SLC2A13: variants seen among roughly 807,000 people sequenced by gnomAD.
SLC2A13 encodes the protein proton myo-inositol cotransporter.
In SLC2A13, 32 loss-of-function variants were observed where a neutral mutation model predicts 64.4. The observed-to-expected ratio is 0.50, with a 90% CI of 0.37 to 0.67. SLC2A13 has a LOEUF of 0.67. SLC2A13 is among the 30% of genes least tolerant of loss of function. The pLI is 0.00. For missense variants in SLC2A13, 743 were observed against 829.2 expected, an observed-to-expected ratio of 0.90 and a Z score of 1.28; for synonymous variants, 338 against 327.1, an observed-to-expected ratio of 1.03 and a Z score of -0.36.
chr12:39,932,002 A>G (rs1326473965), intron 4 of SLC2A13, among the ~76,000 whole-genome samples: 1 of 152,084 alleles, frequency 6.6e-6, no homozygotes, highest in African/African-American at 2.4e-5. Context: ...CATCTCCCCA[A>G]ACTGAAAACA....
At chr12:39,991,593 A>G (rs1947139402) in intron 3 of SLC2A13, among the ~76,000 whole-genome samples, 1 of 152,206 alleles carries the variant, frequency 6.6e-6, no homozygotes, top group African/African-American at 2.4e-5. Flanking sequence ...CTCTTCCCAC[A>G]TGGGTGCTCT....
At chr12:39,885,766 T>G (rs1444330446) in intron 4 of SLC2A13, among the ~76,000 whole-genome samples, 1 of 152,178 alleles carries the variant, frequency 6.6e-6, no homozygotes, top group East Asian at 1.9e-4. Context: ...TCTCAAACTT[T>G]AGTTTGAATT....
intron 5 of SLC2A13, among the ~76,000 whole-genome samples, chr12:39,868,891 G>A (rs1384208562): frequency 1.3e-5 from 2 of 151,996 alleles, no homozygotes; most frequent in Admixed American, 1.3e-4. Flanking sequence ...CTTTGTCCAG[G>A]CTTACATATT....
chr12:40,066,990 A>T (rs139224221), intron 1 of SLC2A13, among the ~76,000 whole-genome samples: 95 of 152,318 alleles, frequency 6.2e-4, no homozygotes, highest in African/African-American at 2.0e-3. Flanking sequence ...TATGTGGCAT[A>T]TAGACAGAAC....
In SLC2A13 at chr12:39,895,547, TATATACAC is replaced by T. The variant is rs1480134256; in HGVS notation, c.1035-23594_1035-23587del. Among the ~76,000 whole-genome samples the T allele has an allele frequency of 6.0e-5, 5 of 83,816 alleles. 1 individual carries two copies. The highest frequency in any genetic ancestry group is 3.3e-4 in the East Asian group (1 of 3,004). 55.0% of individuals were successfully genotyped at this position (83,816 alleles called of 152,430 possible). A position where few individuals can be genotyped will look rare whatever the true frequency, so the allele number is the denominator to read the frequency against. On this transcript the variant is annotated intron_variant, in intron 4 of 9. Transcript: ENST00000280871. ...ATATATATATATATATATATATATA[TATATACAC>T]ACACACACACACGTGTATATGTATA...
intron 7 of SLC2A13, among the ~76,000 whole-genome samples, chr12:39,769,221 C>T (rs1940472027): frequency 6.6e-6 from 1 of 152,090 alleles, no homozygotes; most frequent in Non-Finnish European, 1.5e-5. Context: ...CTTTTGTCAA[C>T]TATTGCCTCA....
At chr12:39,801,880 C>T (rs1007245792) in intron 7 of SLC2A13, among the ~76,000 whole-genome samples, 1 of 152,182 alleles carries the variant, frequency 6.6e-6, no homozygotes, top group African/African-American at 2.4e-5. Context: ...ACATTACTCA[C>T]TCACTACACA....
chr12:39,832,473 T>C (rs1363503562), intron 6 of SLC2A13, among the ~76,000 whole-genome samples: 2 of 152,106 alleles, frequency 1.3e-5, no homozygotes, highest in Admixed American at 6.6e-5. Flanking sequence ...TTATTGTGTG[T>C]GCATTTCAGG....
chr12:39,895,812 G>GCACACACA (rs1565526495), intron 4 of SLC2A13, among the ~76,000 whole-genome samples: 1 of 81,254 alleles, frequency 1.2e-5, no homozygotes, highest in African/African-American at 5.9e-5. Flanking sequence ...GCGTGTATAC[G>GCACACACA]TACACACATG....
intron 4 of SLC2A13, among the ~76,000 whole-genome samples, chr12:39,893,016 C>T (rs1007055694): frequency 9.9e-5 from 15 of 152,046 alleles, no homozygotes; most frequent in Non-Finnish European, 1.6e-4. Context: ...CTTTAAGCTA[C>T]TCTAAATTCA....
intron 4 of SLC2A13, among the ~76,000 whole-genome samples, chr12:39,948,031 C>T (rs774511519): frequency 3.7e-4 from 56 of 152,112 alleles, no homozygotes; most frequent in Non-Finnish European, 1.2e-4. Flanking sequence ...TTGACACATG[C>T]AGAAATATTT....
At chr12:40,070,786 A>G (rs963669496) in intron 1 of SLC2A13, among the ~76,000 whole-genome samples, 1 of 152,158 alleles carries the variant, frequency 6.6e-6, no homozygotes, top group Non-Finnish European at 1.5e-5. Flanking sequence ...GACATCCTTT[A>G]AAAATTTTTT....
chr12:39,803,205 A>G, intron 7 of SLC2A13, among the ~76,000 whole-genome samples: 1 of 87,534 alleles, frequency 1.1e-5, no homozygotes, highest in South Asian at 4.7e-4. Flanking sequence ...AAGCAAATGC[A>G]AAAAAAAAAA....
intron 1 of SLC2A13, among the ~76,000 whole-genome samples, chr12:40,067,989 G>A (rs7962819): frequency 0.026 from 4,025 of 152,102 alleles, 87 homozygotes; most frequent in Non-Finnish European, 0.039. Context: ...CTGCAGCCTC[G>A]ATTTCCTAGA....
Position 39,986,182 on chromosome 12 carries a change from G to T in SLC2A13, c.926-34817C>A, listed in dbSNP as rs531612245. 1.8e-3 allele frequency among the ~76,000 whole-genome samples: 279 copies of T among 152,186 alleles called. 1 individual carries two copies. The highest frequency in any genetic ancestry group is 3.0e-3 in the Non-Finnish European group (206 of 68,010). On this transcript the variant is annotated intron_variant, in intron 3 of 9. Transcript: ENST00000280871. ...CTAATATAAATCCTAACCTCCAGGT[G>T]AGGATTTATATTAGGAGATGGGGTC...
At chr12:39,761,671 T>C (rs1208819930) in intron 9 of SLC2A13, among the ~76,000 whole-genome samples, 2 of 151,914 alleles carry the variant, frequency 1.3e-5, no homozygotes, top group Non-Finnish European at 2.9e-5. Context: ...GTGTTCTGAG[T>C]ACAGATATGC....
chr12:40,054,977 T>G (rs1297880056), intron 1 of SLC2A13, among the ~76,000 whole-genome samples: 1 of 152,178 alleles, frequency 6.6e-6, no homozygotes, highest in Non-Finnish European at 1.5e-5. Context: ...TGCTTTATCA[T>G]CTCTAAAGAA....
intron 3 of SLC2A13, among the ~76,000 whole-genome samples, chr12:39,986,489 G>A (rs28370742): frequency 6.6e-6 from 1 of 151,720 alleles, no homozygotes; most frequent in South Asian, 2.1e-4. Flanking sequence ...GTTGCAGATT[G>A]ATACTTTTGT....
At chr12:39,878,642 G>A (rs1160492395) in intron 4 of SLC2A13, among the ~76,000 whole-genome samples, 3 of 152,190 alleles carry the variant, frequency 2.0e-5, no homozygotes, top group Non-Finnish European at 4.4e-5. Flanking sequence ...CCTCAGATGA[G>A]GGAGAAAAGG....
Sources: gnomAD v4.1 joint callset for allele counts (sites outside exome capture counted in the v4.1 genomes callset) on GRCh38, gnomAD v4.1.1 for gene constraint, MANE v1.5 for transcripts, NCBI Gene and HGNC (gene_info 2026-07-23, HGNC 2026-07-21) for gene names.